The following PRKCB variants were observed in gnomAD, a reference collection of about 807,000 sequenced individuals.
PRKCB encodes protein kinase C beta type.
Under a neutral mutation model 81.5 loss-of-function variants are expected in PRKCB, and 13 were observed. That is an observed-to-expected ratio of 0.16 (90% CI 0.10 to 0.25). The LOEUF (loss-of-function observed/expected upper bound fraction) is 0.25. Ranked by LOEUF, PRKCB falls within the 10% of genes least tolerant of loss-of-function variation. PRKCB has a pLI of 1.00. For missense variants in PRKCB, 509 were observed against 875.7 expected (o/e 0.58, Z 5.29); for synonymous variants, 335 against 321.4 (o/e 1.04, Z -0.45).
intron 16 of PRKCB, among the ~76,000 whole-genome samples, chr16:24,200,316 A>G (rs1204324476): frequency 4.6e-5 from 7 of 152,184 alleles, no homozygotes; most frequent in African/African-American, 1.7e-4. Flanking sequence ...TATACTGACA[A>G]ACAAATAGCC....
intron 16 of PRKCB, among the ~76,000 whole-genome samples, chr16:24,210,213 A>G (rs1968118465): frequency 6.6e-6 from 1 of 152,164 alleles, no homozygotes; most frequent in African/African-American, 2.4e-5. Flanking sequence ...ATGAAAATCC[A>G]CTGTCCTTAC....
At chr16:24,069,096 G>T (rs904474603) in intron 5 of PRKCB, among the ~76,000 whole-genome samples, 1 of 152,188 alleles carries the variant, frequency 6.6e-6, no homozygotes, top group African/African-American at 2.4e-5. Context: ...TTACCGAGAA[G>T]TTAGGTAACT....
In PRKCB at chr16:24,073,010, A is replaced by G. The variant is rs1423887764; in HGVS notation, c.530-19781A>G. ...GATCAGAGATGATTATCAAAACATC[A>G]AAATATCTCTATGCCAGCTGGCAAC... is the stretch of plus-strand genomic sequence containing the variant. On this transcript the variant is annotated intron_variant, in intron 5 of 16. Coordinates refer to ENST00000643927, the MANE Select transcript of PRKCB (RefSeq NM_002738.7). Among the ~76,000 whole-genome samples the G allele has an allele frequency of 3.3e-5, 5 of 152,226 alleles. No homozygotes were observed. The East Asian group carries it at 9.6e-4, about 29-fold the overall frequency.
At chr16:24,018,570 CT>C (rs1333372881) in intron 3 of PRKCB, among the ~76,000 whole-genome samples, 2 of 152,220 alleles carry the variant, frequency 1.3e-5, no homozygotes, top group East Asian at 3.9e-4. Context: ...TAATTCACCC[CT>C]ATATTGACAT....
At chr16:24,112,833 CA>C in intron 7 of PRKCB, 139 bp from the exon 8 acceptor site, 7 of 201,210 alleles carry the variant, frequency 3.5e-5, no homozygotes, top group Non-Finnish European at 7.7e-5. Flanking sequence ...TACTGAAAAA[CA>C]AACCAAAACA....
At chr16:24,171,844 C>T (rs2141965739) in intron 10 of PRKCB, among the ~76,000 whole-genome samples, 1 of 152,290 alleles carries the variant, frequency 6.6e-6, no homozygotes, top group South Asian at 2.1e-4. Flanking sequence ...AGTGAGTCTC[C>T]TGCCTCAGCC....
At chr16:23,886,415 T>TTTTTTTTTGTTTTTTTTG (rs1963202868) in intron 2 of PRKCB, among the ~76,000 whole-genome samples, 2 of 113,534 alleles carry the variant, frequency 1.8e-5, no homozygotes, top group African/African-American at 6.6e-5. Context: ...TGTTTTTTTT[T>TTTTTTTTTGTTTTTTTTG]TTTTTTTTTT....
At chr16:24,206,355 G>A (rs941572869) in intron 16 of PRKCB, among the ~76,000 whole-genome samples, 18 of 152,146 alleles carry the variant, frequency 1.2e-4, no homozygotes, top group African/African-American at 4.1e-4. Context: ...AGAAAGATGC[G>A]CTTGTCTTTT....
intron 2 of PRKCB, among the ~76,000 whole-genome samples, chr16:23,913,031 G>T (rs943894937): frequency 5.3e-5 from 8 of 151,986 alleles, no homozygotes; most frequent in Admixed American, 1.3e-4. Flanking sequence ...GAACTCCTGG[G>T]CTTAAGCGAT....
chr16:24,034,920 T>G (rs1289592911), intron 4 of PRKCB, among the ~76,000 whole-genome samples: 1 of 152,186 alleles, frequency 6.6e-6, no homozygotes, highest in Non-Finnish European at 1.5e-5. Flanking sequence ...ACTCCCCGTC[T>G]CAGACTCTTT....
chr16:23,950,383 A>C (rs907453143), intron 2 of PRKCB, among the ~76,000 whole-genome samples: 1 of 152,046 alleles, frequency 6.6e-6, no homozygotes, highest in East Asian at 1.9e-4. Context: ...GTCCCAACCC[A>C]TTGTCAGGCA....
At chr16:24,048,838 A>G (rs1249817293) in intron 5 of PRKCB, among the ~76,000 whole-genome samples, 1 of 152,088 alleles carries the variant, frequency 6.6e-6, no homozygotes, top group Admixed American at 6.5e-5. Context: ...GAACTCTACA[A>G]GCGTTCCTTC....
chr16:24,165,329 C>T (rs893080641), intron 10 of PRKCB, among the ~76,000 whole-genome samples: 3 of 152,176 alleles, frequency 2.0e-5, no homozygotes, highest in African/African-American at 7.2e-5. Context: ...AGGCATGAGC[C>T]CCTGTGCCCA....
At chr16:23,955,358 G>T (rs1019182509) in intron 2 of PRKCB, among the ~76,000 whole-genome samples, 1 of 152,012 alleles carries the variant, frequency 6.6e-6, no homozygotes, top group African/African-American at 2.4e-5. Flanking sequence ...TCACTTTTCC[G>T]ACAGTTCTTT....
intron 5 of PRKCB, among the ~76,000 whole-genome samples, chr16:24,088,972 A>C (rs987247167): frequency 6.6e-6 from 1 of 152,126 alleles, no homozygotes; most frequent in Non-Finnish European, 1.5e-5. Flanking sequence ...AATCAACCAG[A>C]CAGACAAGCT....
intron 10 of PRKCB, among the ~76,000 whole-genome samples, chr16:24,158,661 A>G (rs1374281092): frequency 1.4e-5 from 2 of 147,714 alleles, no homozygotes; most frequent in Admixed American, 1.3e-4. Flanking sequence ...TATATGTATA[A>G]GTATATGTAT....
At chr16:24,212,402 T>TAAAAAAAAA (rs35650101) in intron 16 of PRKCB, among the ~76,000 whole-genome samples, 1 of 97,170 alleles carries the variant, frequency 1.0e-5, no homozygotes, top group African/African-American at 4.0e-5. Flanking sequence ...TTCTGTGCTT[T>TAAAAAAAAA]AAAAAAAAAA....
chr16:24,072,149 A>G (rs1019050711), intron 5 of PRKCB, among the ~76,000 whole-genome samples: 2 of 152,090 alleles, frequency 1.3e-5, no homozygotes, highest in Non-Finnish European at 2.9e-5. Context: ...GTGTTGTGCA[A>G]CCACCACTGC....
At chr16:24,126,096 A>G (rs1966843812) in intron 9 of PRKCB, among the ~76,000 whole-genome samples, 1 of 152,242 alleles carries the variant, frequency 6.6e-6, no homozygotes. Flanking sequence ...CTGCAGATCC[A>G]CAGAGCCTGT....
Sources: gnomAD v4.1 joint callset for allele counts (sites outside exome capture counted in the v4.1 genomes callset) on GRCh38, gnomAD v4.1.1 for gene constraint, MANE v1.5 for transcripts, NCBI Gene and HGNC (gene_info 2026-07-23, HGNC 2026-07-21) for gene names.